The following FBXL20 variants were observed in gnomAD, a reference collection of about 807,000 sequenced individuals.
FBXL20 encodes F-box/LRR-repeat protein 20.
A neutral mutation model predicts 64.0 loss-of-function variants in FBXL20; 11 were observed. The ratio of observed to expected loss-of-function variants is 0.17; its 90% CI spans 0.11 to 0.28. The LOEUF is 0.28. Among genes scored for constraint, FBXL20 ranks in the 10% least tolerant of loss-of-function variants. The pLI is 1.00. For synonymous variants in FBXL20, 184 were observed against 189.0 expected (o/e 0.97, Z 0.22); for missense variants, 303 against 526.2 (o/e 0.58, Z 4.15).
At chr17:39,397,962 A>G (rs2048199959) in intron 1 of FBXL20, among the ~76,000 whole-genome samples, 1 of 148,344 alleles carries the variant, frequency 6.7e-6, no homozygotes. Context: ...AGTGTAAAAC[A>G]GAATCGTAAA....
At chr17:39,363,805 T>C (rs765730104) in intron 1 of FBXL20, among the ~76,000 whole-genome samples, 1 of 55,016 alleles carries the variant, frequency 1.8e-5, no homozygotes, top group African/African-American at 1.4e-4. Context: ...AGCAAGACTT[T>C]ATCTCAAAAA....
chr17:39,379,641 C>T (rs2048003654), intron 1 of FBXL20, among the ~76,000 whole-genome samples: 1 of 151,670 alleles, frequency 6.6e-6, no homozygotes, highest in Non-Finnish European at 1.5e-5. Context: ...ATTAGCTGGG[C>T]GTGGTGGTAC....
chr17:39,274,055 T>C (rs370749795), intron 10 of FBXL20, among the ~76,000 whole-genome samples: 70 of 152,048 alleles, frequency 4.6e-4, no homozygotes, highest in Admixed American at 1.6e-3. Flanking sequence ...TTTTATTTTT[T>C]GTAGTGACAG....
At chr17:39,288,108 C>T (rs550335434) in intron 6 of FBXL20, among the ~76,000 whole-genome samples, 3 of 151,494 alleles carry the variant, frequency 2.0e-5, no homozygotes, top group East Asian at 2.0e-4. Context: ...GGACTACAGG[C>T]GCACACCAAC....
chr17:39,267,060 C>A (rs2046798283), intron 12 of FBXL20, among the ~76,000 whole-genome samples: 1 of 151,964 alleles, frequency 6.6e-6, no homozygotes, highest in African/African-American at 2.4e-5. Flanking sequence ...CGAGACCAGC[C>A]TGGACAACAT....
chr17:39,301,104 G>C (rs760079967), intron 3 of FBXL20, 29 bp from the exon 4 acceptor site: 1 of 1,598,306 alleles, frequency 6.3e-7, no homozygotes, highest in Admixed American at 1.7e-5. Context: ...GACAGAATGA[G>C]CAGAAGCTAA....
rs368764304 is a variant in FBXL20, at chr17:39,387,365, T to C, written c.42+13996A>G. ...CGCAATCTCGGCTTGCTGTAACCTCTGTCTCCCGGGTTCAAGCGATTCTCC... is the reference window on the plus strand; with the variant it reads ...CGCAATCTCGGCTTGCTGTAACCTCCGTCTCCCGGGTTCAAGCGATTCTCC... On this transcript the variant is annotated intron_variant, in intron 1 of 14. Transcript: ENST00000264658. 4.7e-5 allele frequency among the ~76,000 whole-genome samples: 7 copies of C among 149,784 alleles called. No individual in the cohort carries two copies. In the East Asian group the frequency reaches 1.4e-3, roughly 30 times the overall value.
intron 2 of FBXL20, among the ~76,000 whole-genome samples, chr17:39,315,281 C>T (rs2047274914): frequency 6.6e-6 from 1 of 151,892 alleles, no homozygotes; most frequent in East Asian, 1.9e-4. Flanking sequence ...TCCCTGATGG[C>T]TAATGATGTT....
chr17:39,374,046 A>G lies in FBXL20; in HGVS notation c.42+27315T>C, dbSNP rs541845983. 5.3e-5 allele frequency among the ~76,000 whole-genome samples: 8 copies of G among 151,912 alleles called. No homozygotes were observed. The South Asian group carries it at 8.3e-4, about 16-fold the overall frequency. On this transcript the variant is annotated intron_variant, in intron 1 of 14. Transcript: ENST00000264658. ...AGACAAGCCTGGCCAACATGGCTAG[A>G]CCCCACCTCTACTAAAAATACAAAA... is the stretch of plus-strand genomic sequence containing the variant.
chr17:39,386,149 A>G (rs1315768238), intron 1 of FBXL20, among the ~76,000 whole-genome samples: 1 of 150,876 alleles, frequency 6.6e-6, no homozygotes, highest in Non-Finnish European at 1.5e-5. Flanking sequence ...CCAGACTACC[A>G]TGGCTAACAC....
chr17:39,333,558 G>A (rs1440839806), intron 2 of FBXL20, among the ~76,000 whole-genome samples: 3 of 152,104 alleles, frequency 2.0e-5, no homozygotes, highest in Admixed American at 6.5e-5. Flanking sequence ...GCCTCTGCCC[G>A]GCCGCCACCC....
rs60002793 is a variant in FBXL20, at chr17:39,296,559, CAAAAAAAAAAAAAA to C, written c.398+554_398+567del. ...TGGGCAACAGAGCGAGACTCTGTCT[CAAAAAAAAAAAAAA>C]AAAAAAAAAAGAAATACTTATTAGT... On this transcript the variant is annotated intron_variant, in intron 6 of 14. Transcript: ENST00000264658. Among the ~76,000 whole-genome samples, 44 of 62,170 alleles carry C rather than the reference CAAAAAAAAAAAAAA, an allele frequency of 7.1e-4. 1 individual carries two copies. Among genetic ancestry groups the C allele is most frequent in the African/African-American group, 2.0e-3 (39 of 19,148 alleles). The allele number at this position is 62,170 out of a possible 152,430, so 40.8% of individuals were successfully genotyped here. A position where few individuals can be genotyped will look rare whatever the true frequency, so the allele number is the denominator to read the frequency against.
At chr17:39,279,099 G>T (rs1209226592) in intron 9 of FBXL20, among the ~76,000 whole-genome samples, 1 of 151,756 alleles carries the variant, frequency 6.6e-6, no homozygotes, top group East Asian at 2.0e-4. Context: ...AGCCGAGATC[G>T]CACCACTGCA....
chr17:39,368,269 G>T (rs2047881246), intron 1 of FBXL20, among the ~76,000 whole-genome samples: 1 of 152,096 alleles, frequency 6.6e-6, no homozygotes, highest in Non-Finnish European at 1.5e-5. Context: ...GTGCACTCCT[G>T]TAGTCCTAGC....
At chr17:39,379,142 C>G (rs2047998605) in intron 1 of FBXL20, among the ~76,000 whole-genome samples, 1 of 150,112 alleles carries the variant, frequency 6.7e-6, no homozygotes, top group African/African-American at 2.4e-5. Context: ...AGGAGAATCG[C>G]TTGAACCCAG....
intron 1 of FBXL20, among the ~76,000 whole-genome samples, chr17:39,395,041 A>AT (rs1199800574): frequency 1.3e-5 from 2 of 152,170 alleles, no homozygotes; most frequent in Non-Finnish European, 1.5e-5. Context: ...AAAGAGATGG[A>AT]TTTTTTTAAA....
intron 2 of FBXL20, among the ~76,000 whole-genome samples, chr17:39,317,706 T>TG (rs2047309582): frequency 1.6e-5 from 1 of 63,112 alleles, no homozygotes; most frequent in African/African-American, 1.4e-4. Context: ...TTTTTGTTTT[T>TG]TTTTTTTTTT....
intron 1 of FBXL20, among the ~76,000 whole-genome samples, chr17:39,394,567 CT>C (rs66762447): frequency 0.06 from 8,234 of 137,940 alleles, 570 homozygotes; most frequent in African/African-American, 0.18. Flanking sequence ...TTTTTCTTTT[CT>C]TTTTTTTTTT....
At chr17:39,319,110 A>ATGG (rs2047324834) in intron 2 of FBXL20, among the ~76,000 whole-genome samples, 1 of 150,742 alleles carries the variant, frequency 6.6e-6, no homozygotes, top group Non-Finnish European at 1.5e-5. Flanking sequence ...TTAGCTGGGC[A>ATGG]TGGTGGAGCA....
Sources: gnomAD v4.1 joint callset for allele counts (sites outside exome capture counted in the v4.1 genomes callset) on GRCh38, gnomAD v4.1.1 for gene constraint, MANE v1.5 for transcripts, NCBI Gene and HGNC (gene_info 2026-07-23, HGNC 2026-07-21) for gene names.